The following KCNJ16 variants were observed in gnomAD, a reference collection of about 807,000 sequenced individuals.
KCNJ16 encodes inward rectifier potassium channel 16.
In KCNJ16, 15 loss-of-function variants were observed where a neutral mutation model predicts 18.5. The observed-to-expected ratio is 0.81, with a 90% confidence interval of 0.54 to 1.25. The LOEUF is 1.25. Ranked by LOEUF, KCNJ16 falls within the 50% of genes most tolerant of loss-of-function variation. The probability of loss-of-function intolerance (pLI) is 0.00; values close to 1 mark genes in which losing one functional copy is unlikely to be tolerated. For synonymous variants in KCNJ16, 174 were observed against 186.5 expected (o/e 0.93, Z 0.55); for missense variants, 523 against 525.7 (o/e 0.99, Z 0.05).
intron 2 of KCNJ16, among the ~76,000 whole-genome samples, chr17:70,116,756 C>T (rs566297550): frequency 6.6e-6 from 1 of 152,130 alleles, no homozygotes; most frequent in African/African-American, 2.4e-5. Flanking sequence ...CAATGAGATA[C>T]CATCTCACAC....
At chr17:70,103,492 T>C (rs2072770869) in intron 2 of KCNJ16, among the ~76,000 whole-genome samples, 1 of 151,692 alleles carries the variant, frequency 6.6e-6, no homozygotes, top group African/African-American at 2.4e-5. Flanking sequence ...TGTAACACTT[T>C]CTTTACTTCG....
intron 2 of KCNJ16, among the ~76,000 whole-genome samples, chr17:70,123,269 A>T (rs1245367569): frequency 6.9e-6 from 1 of 145,268 alleles, no homozygotes; most frequent in East Asian, 2.2e-4. Context: ...AAAGATATTG[A>T]AAAGATAACA....
At position 70,080,350 on chromosome 17, in the gene KCNJ16, A is replaced by G. The variant is rs549375058; in HGVS notation, c.-300+4960A>G. On this transcript the variant is annotated intron_variant, in intron 1 of 3. Coordinates refer to ENST00000392671, the MANE Select transcript of KCNJ16 (RefSeq NM_170741.4). ...TCACTCAACAATTTGGACGGGGAGT[A>G]AAAGAACTGAGTAATTTTATGGATA... Among the ~76,000 whole-genome samples the G allele has an allele frequency of 9.8e-5, 15 of 152,334 alleles. No homozygotes were observed. In the South Asian group the frequency reaches 2.3e-3, roughly 23 times the overall value.
At chr17:70,090,795 C>CGCTAACCCACTCACAATACT (rs2072053795) in intron 1 of KCNJ16, among the ~76,000 whole-genome samples, 2 of 152,032 alleles carry the variant, frequency 1.3e-5, no homozygotes, top group Non-Finnish European at 2.9e-5. Context: ...CTCACAATAC[C>CGCTAACCCACTCACAATACT]GCTAACCCAC....
chr17:70,094,634 T>C (rs998884122), intron 1 of KCNJ16, among the ~76,000 whole-genome samples: 1 of 144,334 alleles, frequency 6.9e-6, no homozygotes, highest in Non-Finnish European at 1.5e-5. Flanking sequence ...GGGAATAACA[T>C]ATATTTTCTT....
intron 1 of KCNJ16, among the ~76,000 whole-genome samples, chr17:70,097,281 G>T (rs147312664): frequency 6.6e-6 from 1 of 152,122 alleles, no homozygotes; most frequent in South Asian, 2.1e-4. Context: ...TTTGTCCTGG[G>T]AAGTTTCTAG....
chr17:70,083,911 C>T (rs1209835687), intron 1 of KCNJ16, among the ~76,000 whole-genome samples: 4 of 152,054 alleles, frequency 2.6e-5, no homozygotes, highest in Non-Finnish European at 5.9e-5. Flanking sequence ...TAGAAGCCAC[C>T]AAGATGAAAT....
At chr17:70,097,003 A>G (rs1567785271) in intron 1 of KCNJ16, 2 of 396,674 alleles carry the variant, frequency 5.0e-6, no homozygotes. Flanking sequence ...GAACCCTATT[A>G]CAATCAAAGA....
chr17:70,097,021 A>G (rs2072408208), intron 1 of KCNJ16: 1 of 394,372 alleles, frequency 2.5e-6, no homozygotes, highest in Non-Finnish European at 4.5e-6. Context: ...AGAAATCTCC[A>G]TGGTGAAATG....
At chr17:70,119,197 C>A (rs529397223) in intron 2 of KCNJ16, among the ~76,000 whole-genome samples, 7 of 152,358 alleles carry the variant, frequency 4.6e-5, no homozygotes, top group Non-Finnish European at 7.3e-5. Flanking sequence ...AGGCCTTGGG[C>A]AGTTCCACGT....
chr17:70,127,497 C>G (rs1438515572), intron 2 of KCNJ16, among the ~76,000 whole-genome samples: 3 of 152,000 alleles, frequency 2.0e-5, no homozygotes, highest in African/African-American at 7.3e-5. Context: ...ACTAATTTGG[C>G]CTGGCATTGT....
At chr17:70,092,191 A>G (rs2072119281) in intron 1 of KCNJ16, among the ~76,000 whole-genome samples, 1 of 152,194 alleles carries the variant, frequency 6.6e-6, no homozygotes, top group Non-Finnish European at 1.5e-5. Context: ...CACATCTTTT[A>G]CATAAGTGTT....
chr17:70,103,957 A>G (rs1451614798), intron 2 of KCNJ16, among the ~76,000 whole-genome samples: 14 of 123,888 alleles, frequency 1.1e-4, no homozygotes, highest in African/African-American at 3.1e-4. Flanking sequence ...TTTTTTTGAG[A>G]CAGGATTTCA....
intron 1 of KCNJ16, among the ~76,000 whole-genome samples, chr17:70,093,080 G>C (rs1378305319): frequency 1.3e-5 from 2 of 152,124 alleles, no homozygotes; most frequent in African/African-American, 4.8e-5. Context: ...AATTTGCAAA[G>C]GTTGAAAGTT....
At chr17:70,081,806 CTGTGTGTG>C (rs5821755) in intron 1 of KCNJ16, among the ~76,000 whole-genome samples, 38 of 149,576 alleles carry the variant, frequency 2.5e-4, no homozygotes, top group Middle Eastern at 3.4e-3. Context: ...TCACCATGCT[CTGTGTGTG>C]TGTGTGTGTG....
chr17:70,099,053 T>C (rs2072510912), intron 1 of KCNJ16, among the ~76,000 whole-genome samples: 1 of 152,102 alleles, frequency 6.6e-6, no homozygotes, highest in Non-Finnish European at 1.5e-5. Flanking sequence ...AATGAAAAAC[T>C]CTACAAATCA....
intron 1 of KCNJ16, among the ~76,000 whole-genome samples, chr17:70,084,484 A>G (rs1001984427): frequency 2.0e-5 from 3 of 152,276 alleles, no homozygotes; most frequent in Middle Eastern, 3.4e-3. Context: ...ACTTTTAACA[A>G]TTTTTCAGAG....
At chr17:70,112,296 A>G (rs2144022976) in intron 2 of KCNJ16, among the ~76,000 whole-genome samples, 1 of 152,182 alleles carries the variant, frequency 6.6e-6, no homozygotes, top group Middle Eastern at 3.4e-3. Context: ...ATGTTTCTGG[A>G]TAAGGGAGCT....
At chr17:70,108,303 A>T (rs1302362442) in intron 2 of KCNJ16, 3 of 152,264 alleles carry the variant, frequency 2.0e-5, no homozygotes, top group African/African-American at 4.8e-5. Context: ...GATTTCAGAC[A>T]TCCACATTCC....
Sources: allele counts gnomAD v4.1 joint callset (sites outside exome capture counted in the v4.1 genomes callset), GRCh38; gene constraint gnomAD v4.1.1; transcripts MANE v1.5; gene names NCBI Gene and HGNC (gene_info 2026-07-23, HGNC 2026-07-21).